NRG3: variants seen among roughly 807,000 people sequenced by gnomAD.
NRG3 encodes neuregulin 3.
NRG3 carries 31 observed loss-of-function variants against 66.9 expected under a neutral mutation model. That is an observed-to-expected ratio of 0.46 (90% CI 0.35 to 0.63). The LOEUF (loss-of-function observed/expected upper bound fraction) is 0.63, where lower values mean the gene tolerates loss of function less well. Ranked by LOEUF, NRG3 falls within the 20% of genes least tolerant of loss-of-function variation. The pLI, the probability that NRG3 is intolerant of heterozygous loss-of-function variation, is 0.00. For missense variants in NRG3, 910 were observed against 878.9 expected (o/e 1.04, Z -0.45); for synonymous variants, 393 against 359.4 (o/e 1.09, Z -1.06).
At chr10:82,809,648 C>T (rs1006829674) in intron 3 of NRG3, among the ~76,000 whole-genome samples, 2 of 152,180 alleles carry the variant, frequency 1.3e-5, no homozygotes, top group East Asian at 1.9e-4. Context: ...TCCCTGTTAA[C>T]GTGGCTGTAG....
At chr10:82,633,674 C>T (rs2049994967) in intron 2 of NRG3, among the ~76,000 whole-genome samples, 1 of 152,068 alleles carries the variant, frequency 6.6e-6, no homozygotes, top group Admixed American at 6.6e-5. Flanking sequence ...GGACTTTCTA[C>T]CAGCTTATTT....
chr10:81,946,611 A>C (rs1269348666), intron 1 of NRG3, among the ~76,000 whole-genome samples: 2 of 152,092 alleles, frequency 1.3e-5, no homozygotes, highest in African/African-American at 4.8e-5. Context: ...AAGGTTGTGT[A>C]TGTGAGTGTG....
intron 1 of NRG3, among the ~76,000 whole-genome samples, chr10:81,933,107 CAAAAAAA>C (rs769607380): frequency 0.027 from 1,610 of 59,512 alleles, 33 homozygotes; most frequent in South Asian, 0.11. Flanking sequence ...CGCTCCATCT[CAAAAAAA>C]AAAAAAAAAA....
intron 3 of NRG3, among the ~76,000 whole-genome samples, chr10:82,804,315 G>C (rs1326852451): frequency 2.6e-5 from 4 of 152,198 alleles, no homozygotes; most frequent in African/African-American, 9.6e-5. Flanking sequence ...GAAGGCAAAA[G>C]AAATTCATGC....
At chr10:82,907,318 A>G (rs896543440) in intron 4 of NRG3, among the ~76,000 whole-genome samples, 1 of 152,146 alleles carries the variant, frequency 6.6e-6, no homozygotes, top group African/African-American at 2.4e-5. Flanking sequence ...CTTATGTAAA[A>G]TTTATATTCT....
At chr10:82,571,502 A>G (rs570027199) in intron 2 of NRG3, among the ~76,000 whole-genome samples, 1 of 151,764 alleles carries the variant, frequency 6.6e-6, no homozygotes, top group Admixed American at 6.6e-5. Flanking sequence ...CTGTCAAAAT[A>G]TAAAAGTACA....
At chr10:82,155,429 AC>A (rs1254103416) in intron 1 of NRG3, among the ~76,000 whole-genome samples, 2 of 151,704 alleles carry the variant, frequency 1.3e-5, no homozygotes, top group African/African-American at 4.8e-5. Flanking sequence ...GATATCAGTA[AC>A]CTTCTCTCTA....
At chr10:82,462,524 T>G (rs1937968) in intron 2 of NRG3, among the ~76,000 whole-genome samples, 66,110 of 151,980 alleles carry the variant, frequency 0.43, 17,439 homozygotes, top group African/African-American at 0.73. Flanking sequence ...GTAATTTTTG[T>G]TTGGGGCAGG....
chr10:82,667,889 G>A (rs1414159350), intron 2 of NRG3, among the ~76,000 whole-genome samples: 2 of 152,196 alleles, frequency 1.3e-5, no homozygotes, highest in African/African-American at 4.8e-5. Flanking sequence ...CCACAGGCAT[G>A]AGGAAAATTT....
chr10:82,859,224 G>A (rs1042323944), intron 3 of NRG3: 1 of 152,254 alleles, frequency 6.6e-6, no homozygotes, highest in African/African-American at 2.4e-5. Context: ...TGGGATTACA[G>A]GTATGATCCA....
Position 82,985,627 on chromosome 10 carries a change from C to G in NRG3, c.*22C>G. The G allele has an allele frequency of 6.3e-7, 1 of 1,589,436 alleles. No homozygotes were observed. Among genetic ancestry groups the G allele is most frequent in the African/African-American group, 1.4e-5 (1 of 73,836 alleles). On this transcript the variant is annotated 3_prime_UTR_variant, in exon 9 of 9. Transcript: ENST00000372141. ...GTGACTTGAGATGTAGGAATCTGTG[C>G]ATTCTATGCTTTGCTCAACAGGAAA...
At position 81,927,690 on chromosome 10, in the gene NRG3, G is replaced by A. The variant is rs190875293; in HGVS notation, c.823+51527G>A. On this transcript the variant is annotated intron_variant, in intron 1 of 8. Coordinates refer to ENST00000372141, the MANE Select transcript of NRG3 (RefSeq NM_001010848.4). ...TTGCCTTTAGTTTCCCCTAATTAAC[G>A]TCTTGCATTGATAATACTGTAAACC... Among the ~76,000 whole-genome samples the A allele has an allele frequency of 1.2e-3, 178 of 152,120 alleles. 1 individual carries two copies. The highest frequency in any genetic ancestry group is 0.01 in the Middle Eastern group (3 of 294).
chr10:82,529,198 C>T (rs1297636013), intron 2 of NRG3, among the ~76,000 whole-genome samples: 1 of 152,196 alleles, frequency 6.6e-6, no homozygotes, highest in Non-Finnish European at 1.5e-5. Context: ...AAAGTCTTCT[C>T]AAATGCGACT....
At chr10:82,917,962 G>GTATATA (rs1436914419) in intron 4 of NRG3, among the ~76,000 whole-genome samples, 1 of 101,446 alleles carries the variant, frequency 9.9e-6, no homozygotes, top group East Asian at 3.2e-4. Flanking sequence ...GTGTGTGTGT[G>GTATATA]TGTGTGTGTA....
intron 1 of NRG3, among the ~76,000 whole-genome samples, chr10:82,183,394 G>A (rs187202792): frequency 4.2e-4 from 63 of 151,772 alleles, no homozygotes; most frequent in African/African-American, 1.2e-3. Flanking sequence ...CTTTGGGTTC[G>A]TTAACTCATA....
Position 81,880,876 on chromosome 10 carries a change from C to T in NRG3, c.823+4713C>T, listed in dbSNP as rs556212925. Among the ~76,000 whole-genome samples, 9 of 152,252 alleles carry T rather than the reference C, an allele frequency of 5.9e-5. No homozygotes were observed. In the South Asian group the frequency reaches 1.2e-3, roughly 21 times the overall value. On this transcript the variant is annotated intron_variant, in intron 1 of 8. Transcript: ENST00000372141. ...TTGGGTAAGGACAGAGCTGGTACTG[C>T]GTTGACAAATACATTTTGAGATCCT...
intron 2 of NRG3, among the ~76,000 whole-genome samples, chr10:82,593,561 AT>A (rs35626665): frequency 8.6e-5 from 13 of 150,808 alleles, no homozygotes; most frequent in Non-Finnish European, 1.3e-4. Context: ...TTCTCGGCTC[AT>A]TTTTTTTTCT....
chr10:82,699,184 G>A (rs2055635243), intron 2 of NRG3, among the ~76,000 whole-genome samples: 1 of 151,816 alleles, frequency 6.6e-6, no homozygotes, highest in Admixed American at 6.6e-5. Flanking sequence ...CTAGCCCAGG[G>A]AAGTTCCTGT....
rs560019942 is a variant in NRG3, at chr10:82,979,033, G to A, written c.1496G>A (p.Arg499Gln). ...TTCAGAAGGACACCCCCGTCACCCC[G>A]AAGTAGGCTAGGTGGAATTGTGGGA... is the stretch of plus-strand genomic sequence containing the variant. ...NAFRRTPPSPRSRLGGIVGPA... is the reference protein window; with the variant it reads ...NAFRRTPPSPQSRLGGIVGPA... The change falls in exon 8 of 9, where the codon CGA (arginine) becomes CAA (glutamine). Residue 499 changes from arginine to glutamine, a missense_variant. Transcript: ENST00000372141. 171 of 1,614,070 alleles carry A rather than the reference G, an allele frequency of 1.1e-4. No homozygotes were observed. The highest frequency in any genetic ancestry group is 2.7e-4 in the South Asian group (25 of 91,078).
Sources: gnomAD v4.1 joint callset for allele counts (sites outside exome capture counted in the v4.1 genomes callset) on GRCh38, gnomAD v4.1.1 for gene constraint, MANE v1.5 for transcripts, NCBI Gene and HGNC (gene_info 2026-07-23, HGNC 2026-07-21) for gene names.